PCDHGA3: variants seen among roughly 807,000 people sequenced by gnomAD.
PCDHGA3 encodes the protein protocadherin gamma subfamily A, 3.
PCDHGA3 carries 40 observed loss-of-function variants against 58.5 expected under a neutral mutation model. That is an observed-to-expected ratio of 0.68 (90% CI 0.53 to 0.89). The LOEUF (loss-of-function observed/expected upper bound fraction) is 0.89, where lower values mean the gene tolerates loss of function less well. Among genes scored for constraint, PCDHGA3 ranks in the 40% least tolerant of loss-of-function variants. The probability of loss-of-function intolerance (pLI) is 0.00; values close to 1 mark genes in which losing one functional copy is unlikely to be tolerated. For synonymous variants in PCDHGA3, 530 were observed against 525.7 expected (o/e 1.01, Z -0.11); for missense variants, 1,223 against 1,195.9 (o/e 1.02, Z -0.33).
rs115001531 is a variant in PCDHGA3, at chr5:141,495,385, G to A, written c.2483+520G>A. Among the ~76,000 whole-genome samples the A allele has an allele frequency of 2.2e-3, 339 of 152,328 alleles. 1 individual carries two copies. Among genetic ancestry groups the A allele is most frequent in the African/African-American group, 7.9e-3 (329 of 41,590 alleles). ...AGGTGGAACTGAGGAAGGACTGGGC[G>A]GGGCATGGAGCAGGCCCCCTTCTCC... On this transcript the variant is annotated intron_variant, in intron 2 of 3. Transcript: ENST00000253812.
intron 1 of PCDHGA3, chr5:141,355,525 C>T (rs372880202): frequency 6.2e-7 from 1 of 1,614,028 alleles, no homozygotes; most frequent in Non-Finnish European, 8.5e-7. Context: ...CCTGGAGATT[C>T]TTCTAGAAGA....
chr5:141,385,325 T>C (rs1781126490), intron 1 of PCDHGA3: 2 of 1,606,594 alleles, frequency 1.2e-6, no homozygotes, highest in Admixed American at 3.4e-5. Flanking sequence ...AGTATTCAGG[T>C]GAGCCCAGCC....
chr5:141,375,552 C>T, intron 1 of PCDHGA3: 1 of 1,614,058 alleles, frequency 6.2e-7, no homozygotes. Flanking sequence ...GTCTCCTACT[C>T]ACTGGCAGAA....
chr5:141,467,908 C>G (rs2099154038), intron 1 of PCDHGA3, among the ~76,000 whole-genome samples: 1 of 152,172 alleles, frequency 6.6e-6, no homozygotes, highest in Non-Finnish European at 1.5e-5. Flanking sequence ...ATCCGCCCAC[C>G]TCAGCCTCCC....
In PCDHGA3 at chr5:141,490,996, G is replaced by A; in HGVS notation, c.2425-3811G>A. ...GCGTCTCCCTCGCTCTGCTCCTCCT[G>A]GCTCCTTGGTCACCAAGGTGACAGC... is the stretch of plus-strand genomic sequence containing the variant. On this transcript the variant is annotated intron_variant, in intron 1 of 3. Transcript: ENST00000253812. This position sits in a 1 kb window ranked among gnomAD's most constrained non-coding sequence, Gnocchi z 5.4. The A allele has an allele frequency of 6.2e-7, 1 of 1,614,090 alleles. No individual in the cohort carries two copies. The highest frequency in any genetic ancestry group is 8.5e-7 in the Non-Finnish European group (1 of 1,180,028).
chr5:141,351,243 A>G (rs377475753), intron 1 of PCDHGA3: 3 of 1,613,916 alleles, frequency 1.9e-6, no homozygotes, highest in African/African-American at 2.7e-5. Context: ...GCTCACTGTA[A>G]TGTTCAAATA....
At chr5:141,393,820 C>T (rs2092851099) in intron 1 of PCDHGA3, 1 of 1,613,918 alleles carries the variant, frequency 6.2e-7, no homozygotes, top group Non-Finnish European at 8.5e-7. Context: ...TTGCTCATTT[C>T]GGTGGAAGAT....
chr5:141,366,703 T>C, intron 1 of PCDHGA3: 5 of 1,614,226 alleles, frequency 3.1e-6, no homozygotes, highest in Non-Finnish European at 3.4e-6. Context: ...GCGAGCCTCT[T>C]CTGATGTCTG....
At chr5:141,441,527 A>G (rs2098252922) in intron 1 of PCDHGA3, 2 of 173,076 alleles carry the variant, frequency 1.2e-5, no homozygotes, top group African/African-American at 2.4e-5. Flanking sequence ...GTGGCCAAGA[A>G]CAATCTTCCC....
intron 1 of PCDHGA3, among the ~76,000 whole-genome samples, chr5:141,438,792 G>T (rs2098065674): frequency 6.7e-6 from 1 of 149,346 alleles, no homozygotes. Flanking sequence ...CTCTCCAGTA[G>T]CTGGGATTAC....
chr5:141,385,588 A>G (rs1290476871), intron 1 of PCDHGA3: 11 of 1,258,860 alleles, frequency 8.7e-6, no homozygotes, highest in East Asian at 3.3e-5. Context: ...CTATGTTCCA[A>G]CCTACTTTCT....
intron 1 of PCDHGA3, chr5:141,415,955 G>A: frequency 8.5e-6 from 4 of 472,662 alleles, no homozygotes; most frequent in Non-Finnish European, 1.3e-5. Context: ...GTCACATATT[G>A]AAACTCCAGC....
rs956263164 is a variant in PCDHGA3 at position 141,511,304 on chromosome 5, C to G, written c.*131C>G. The G allele has an allele frequency of 3.3e-5, 49 of 1,490,320 alleles. No homozygotes were observed. The highest frequency in any genetic ancestry group is 4.2e-5 in the African/African-American group (3 of 71,286). The allele number at this position is 1,490,320 out of a possible 1,614,324, so 92.3% of individuals were successfully genotyped here. ...TGGTAGGGGCCAAGGCCATGCTCCC[C>G]TTGGGAAACAGAAACAAGTGCCCAG... On this transcript the variant is annotated 3_prime_UTR_variant, in exon 4 of 4. Coordinates refer to ENST00000253812, the MANE Select transcript of PCDHGA3 (RefSeq NM_018916.4).
Position 141,490,942 on chromosome 5 carries a change from C to T in PCDHGA3, c.2425-3865C>T, listed in dbSNP as rs371286343. On this transcript the variant is annotated intron_variant, in intron 1 of 3. Coordinates refer to ENST00000253812, the MANE Select transcript of PCDHGA3 (RefSeq NM_018916.4). This position sits in a 1 kb window ranked among gnomAD's most constrained non-coding sequence, Gnocchi z 5.4. ...TAATGCCCCAGCTGTGCTGCACCCA[C>T]GGCCAGACTGGGAACACTCAGCCCC... 8.7e-5 allele frequency: 141 copies of T among 1,613,526 alleles called. No individual in the cohort carries two copies. Among genetic ancestry groups the T allele is most frequent in the Non-Finnish European group, 1.1e-4 (126 of 1,179,768 alleles).
In PCDHGA3 at chr5:141,476,258, G is replaced by A. The variant is rs1247889010; in HGVS notation, c.2425-18549G>A. 1 of 1,614,018 alleles carries A rather than the reference G, an allele frequency of 6.2e-7. No individual in the cohort carries two copies. Among genetic ancestry groups the A allele is most frequent in the South Asian group, 1.1e-5 (1 of 91,066 alleles). Reference sequence around the variant, plus strand: ...GGAAAGAGAGAAGGGTTTCGCTGTGGGCAACGTGGTCGCGAACCTTGGTTT... The same window carrying A: ...GGAAAGAGAGAAGGGTTTCGCTGTGAGCAACGTGGTCGCGAACCTTGGTTT... On this transcript the variant is annotated intron_variant, in intron 1 of 3. Coordinates refer to ENST00000253812, the MANE Select transcript of PCDHGA3 (RefSeq NM_018916.4). This position sits in a 1 kb window ranked among gnomAD's most constrained non-coding sequence, Gnocchi z 7.6.
At chr5:141,445,844 A>T (rs979756627) in intron 1 of PCDHGA3, among the ~76,000 whole-genome samples, 3 of 152,216 alleles carry the variant, frequency 2.0e-5, no homozygotes, top group Admixed American at 1.3e-4. Context: ...TGTAAATCAC[A>T]CTTAAAATTC....
At chr5:141,403,118 C>A (rs780657795) in intron 1 of PCDHGA3, 2 of 1,614,058 alleles carry the variant, frequency 1.2e-6, no homozygotes. Context: ...GGCTCTGGAG[C>A]CCCGGGAGCT....
At position 141,486,455 on chromosome 5, in the gene PCDHGA3, T is replaced by G; in HGVS notation, c.2425-8352T>G. On this transcript the variant is annotated intron_variant, in intron 1 of 3. Transcript: ENST00000253812. This position sits in a 1 kb window ranked among gnomAD's most constrained non-coding sequence, Gnocchi z 5.0. Reference sequence around the variant, plus strand: ...TAGCTATGACATCATGGTCACTGCTTCTGATGCTGGGAACCCTCCTCTCAG... The same window carrying G: ...TAGCTATGACATCATGGTCACTGCTGCTGATGCTGGGAACCCTCCTCTCAG... 6.2e-7 allele frequency: 1 copy of G among 1,614,066 alleles called. No homozygotes were observed. Among genetic ancestry groups the G allele is most frequent in the Non-Finnish European group, 8.5e-7 (1 of 1,179,892 alleles).
chr5:141,443,457 G>C (rs977253701), intron 1 of PCDHGA3, among the ~76,000 whole-genome samples: 12 of 152,194 alleles, frequency 7.9e-5, no homozygotes, highest in Non-Finnish European at 1.3e-4. Flanking sequence ...CTGTACTCCA[G>C]TCTGGGTGAC....
Sources: gnomAD v4.1 joint callset for allele counts (sites outside exome capture counted in the v4.1 genomes callset) on GRCh38, gnomAD v4.1.1 for gene constraint, Gnocchi (gnomAD v3.1) non-coding constraint, MANE v1.5 for transcripts, NCBI Gene and HGNC (gene_info 2026-07-23, HGNC 2026-07-21) for gene names.